SEMA5A: variants seen among roughly 807,000 people sequenced by gnomAD.
SEMA5A encodes the protein semaphorin-5A.
SEMA5A carries 55 observed loss-of-function variants against 135.5 expected under a neutral mutation model. The observed-to-expected ratio is 0.41, with a 90% CI of 0.33 to 0.51. The LOEUF is 0.51. SEMA5A is among the 20% of genes least tolerant of loss of function. The probability of loss-of-function intolerance (pLI) is 0.37; values close to 1 mark genes in which losing one functional copy is unlikely to be tolerated. For synonymous variants in SEMA5A, 580 were observed against 546.5 expected, an observed-to-expected ratio of 1.06 and a Z score of -0.85; for missense variants, 1,290 against 1,419.9, an observed-to-expected ratio of 0.91 and a Z score of 1.47.
At chr5:9,538,277 G>C (rs1027670367) in intron 1 of SEMA5A, among the ~76,000 whole-genome samples, 3 of 152,034 alleles carry the variant, frequency 2.0e-5, no homozygotes, top group Non-Finnish European at 4.4e-5. Context: ...GCGGGGCGGG[G>C]GGAGGTGCGC....
rs1019706073 is a variant in SEMA5A, at chr5:9,298,900, T to C, written c.270+19472A>G. 7.2e-5 allele frequency among the ~76,000 whole-genome samples: 11 copies of C among 152,204 alleles called. No homozygotes were observed. The South Asian group carries it at 2.3e-3, about 32-fold the overall frequency. ...TTATCACAGCATTTCAGTAATGAAC[T>C]CTCACAGCCTTCAGCTCTGCCCACT... On this transcript the variant is annotated intron_variant, in intron 5 of 22. Coordinates refer to ENST00000382496, the MANE Select transcript of SEMA5A (RefSeq NM_003966.3).
chr5:9,197,239 C>T lies in SEMA5A; in HGVS notation c.997G>A (p.Gly333Arg). The stretch of plus-strand genomic sequence containing the variant: ...GAGTTTTCTTGGTACTTGAAGGGCC[C>T]AGAGAAGGCCTGCGCGATGGCGCTC... ...NLSAIAQAFS[G>R]PFKYQENSRS... Residue 333 changes from glycine (G) to arginine (R), a missense_variant, in exon 10 of 23, where the codon GGG becomes AGG. Coordinates refer to ENST00000382496, the MANE Select transcript of SEMA5A (RefSeq NM_003966.3). 11 of 1,614,182 alleles carry T rather than the reference C, an allele frequency of 6.8e-6. No homozygotes were observed. The highest frequency in any genetic ancestry group is 9.3e-6 in the Non-Finnish European group (11 of 1,180,024).
intron 5 of SEMA5A, among the ~76,000 whole-genome samples, chr5:9,283,422 T>C (rs1053389522): frequency 6.6e-6 from 1 of 152,126 alleles, no homozygotes; most frequent in Non-Finnish European, 1.5e-5. Context: ...CTCCACAACA[T>C]GGAATTTTGC....
intron 4 of SEMA5A, among the ~76,000 whole-genome samples, chr5:9,319,884 G>A (rs185620235): frequency 3.3e-5 from 5 of 152,098 alleles, no homozygotes; most frequent in East Asian, 3.9e-4. Flanking sequence ...GAAGTGACAA[G>A]TGACAGCCAA....
chr5:9,418,037 C>T (rs1344567759), intron 2 of SEMA5A, among the ~76,000 whole-genome samples: 6 of 150,280 alleles, frequency 4.0e-5, no homozygotes, highest in Non-Finnish European at 7.4e-5. Flanking sequence ...ATTGCAGTGG[C>T]GTGATCTCGG....
intron 16 of SEMA5A, among the ~76,000 whole-genome samples, chr5:9,074,581 G>A (rs934256040): frequency 1.3e-5 from 2 of 152,110 alleles, no homozygotes; most frequent in Non-Finnish European, 2.9e-5. Context: ...GAAAGTATTT[G>A]CAAATCATGT....
At chr5:9,164,432 C>A (rs1743495255) in intron 11 of SEMA5A, among the ~76,000 whole-genome samples, 1 of 151,090 alleles carries the variant, frequency 6.6e-6, no homozygotes, top group African/African-American at 2.4e-5. Flanking sequence ...TATTGTGATT[C>A]AAATTCTAAT....
intron 3 of SEMA5A, among the ~76,000 whole-genome samples, chr5:9,355,263 A>C (rs531270468): frequency 2.0e-5 from 3 of 152,212 alleles, no homozygotes; most frequent in Admixed American, 2.0e-4. Context: ...TAGGAAGCCA[A>C]GGTATGTATA....
At chr5:9,172,217 A>T (rs1743963360) in intron 11 of SEMA5A, among the ~76,000 whole-genome samples, 1 of 152,216 alleles carries the variant, frequency 6.6e-6, no homozygotes, top group Admixed American at 6.5e-5. Flanking sequence ...TGCACAGAGA[A>T]ATGAATGCTG....
intron 3 of SEMA5A, among the ~76,000 whole-genome samples, chr5:9,342,251 T>G: frequency 6.6e-6 from 1 of 152,198 alleles, no homozygotes; most frequent in East Asian, 1.9e-4. Context: ...AGGGCAGCTC[T>G]TGTGGAAGAC....
chr5:9,338,394 T>C (rs575593091), intron 3 of SEMA5A, among the ~76,000 whole-genome samples: 5 of 152,278 alleles, frequency 3.3e-5, no homozygotes, highest in East Asian at 1.9e-4. Flanking sequence ...CATTTTTTTT[T>C]CTAAGGGAAA....
chr5:9,445,139 AT>A (rs145645823), intron 1 of SEMA5A, among the ~76,000 whole-genome samples: 6,270 of 152,192 alleles, frequency 0.041, 174 homozygotes, highest in Middle Eastern at 0.14. Flanking sequence ...CAATCAGAGA[AT>A]TTTTCCTGCA....
chr5:9,213,809 GA>G (rs1238960881), intron 8 of SEMA5A, among the ~76,000 whole-genome samples: 2 of 152,140 alleles, frequency 1.3e-5, no homozygotes, highest in Non-Finnish European at 2.9e-5. Context: ...AGGCAAGGAA[GA>G]ACCAGAGGCA....
At chr5:9,515,760 C>G (rs751130291) in intron 1 of SEMA5A, among the ~76,000 whole-genome samples, 1 of 152,170 alleles carries the variant, frequency 6.6e-6, no homozygotes, top group Non-Finnish European at 1.5e-5. Context: ...AAGAAAACAG[C>G]TTAATGTCAG....
chr5:9,233,691 T>C (rs1747754308), intron 6 of SEMA5A, among the ~76,000 whole-genome samples: 1 of 152,184 alleles, frequency 6.6e-6, no homozygotes, highest in South Asian at 2.1e-4. Flanking sequence ...TGTGAAATCA[T>C]ATCTGTGTCT....
chr5:9,162,589 C>CATAT, intron 11 of SEMA5A, among the ~76,000 whole-genome samples: 1 of 100,100 alleles, frequency 1.0e-5, no homozygotes, highest in Admixed American at 9.7e-5. Context: ...TATATATACA[C>CATAT]ACACACACAC....
At chr5:9,110,045 G>A (rs549683574) in intron 15 of SEMA5A, among the ~76,000 whole-genome samples, 27 of 152,174 alleles carry the variant, frequency 1.8e-4, no homozygotes, top group African/African-American at 5.3e-4. Flanking sequence ...GGGTGCTGAC[G>A]GGATGAGGCA....
chr5:9,220,030 A>G (rs1272786081), intron 8 of SEMA5A, among the ~76,000 whole-genome samples: 4 of 152,252 alleles, frequency 2.6e-5, no homozygotes, highest in Non-Finnish European at 5.9e-5. Context: ...AGCTATAAAA[A>G]GGAACAAAAT....
chr5:9,232,887 T>C (rs944356610), intron 6 of SEMA5A, among the ~76,000 whole-genome samples: 1 of 152,208 alleles, frequency 6.6e-6, no homozygotes, highest in African/African-American at 2.4e-5. Flanking sequence ...TTTCAAAATA[T>C]TGGCACTTAG....
Sources: gnomAD v4.1 joint callset for allele counts (sites outside exome capture counted in the v4.1 genomes callset) on GRCh38, gnomAD v4.1.1 for gene constraint, MANE v1.5 for transcripts, NCBI Gene and HGNC (gene_info 2026-07-23, HGNC 2026-07-21) for gene names.